Variants in RNF10 observed in about 807,000 individuals in gnomAD.
RNF10 encodes the protein E3 ubiquitin-protein ligase RNF10.
A neutral mutation model predicts 91.4 loss-of-function variants in RNF10; 38 were observed. That is an observed-to-expected ratio of 0.42 (90% CI 0.32 to 0.54). The LOEUF (loss-of-function observed/expected upper bound fraction) is 0.54, where lower values mean the gene tolerates loss of function less well. RNF10 is among the 20% of genes least tolerant of loss of function. RNF10 has a pLI of 0.16. For synonymous variants in RNF10, 364 were observed against 366.3 expected (o/e 0.99, Z 0.07); for missense variants, 945 against 1,012.0 (o/e 0.93, Z 0.90).
intron 1 of RNF10, among the ~76,000 whole-genome samples, chr12:120,536,429 C>G (rs973533413): frequency 6.6e-6 from 1 of 152,038 alleles, no homozygotes; most frequent in African/African-American, 2.4e-5. Context: ...CATCTCTAAA[C>G]AGTAAAAAGA....
At chr12:120,541,220 G>A (rs1394754331) in intron 1 of RNF10, among the ~76,000 whole-genome samples, 5 of 152,170 alleles carry the variant, frequency 3.3e-5, no homozygotes, top group East Asian at 1.9e-4. Context: ...TATGCAAACC[G>A]TGAGGTGCAT....
intron 1 of RNF10, among the ~76,000 whole-genome samples, chr12:120,540,102 G>A: frequency 6.8e-6 from 1 of 147,680 alleles, no homozygotes. Context: ...ATAGGGGTGT[G>A]TGGGGCCCCT....
At chr12:120,553,385 G>A (rs1279696311) in intron 3 of RNF10, among the ~76,000 whole-genome samples, 1 of 132,144 alleles carries the variant, frequency 7.6e-6, no homozygotes, top group East Asian at 2.3e-4. Flanking sequence ...ACCATGCCCA[G>A]CCAGGAAGAG....
At chr12:120,554,863 C>A in intron 4 of RNF10, 55 bp downstream of exon 4, 1 of 1,371,158 alleles carries the variant, frequency 7.3e-7, no homozygotes, top group Non-Finnish European at 1.0e-6. Context: ...AATAAAGGCA[C>A]TGTGGTGACG....
intron 9 of RNF10, 55 bp downstream of exon 9, chr12:120,563,678 C>G: frequency 6.4e-7 from 1 of 1,568,436 alleles, no homozygotes; most frequent in Non-Finnish European, 8.7e-7. Flanking sequence ...CAGAGGTGAC[C>G]CGGTGCTCTA....
Position 120,566,832 on chromosome 12 carries a change from A to G in RNF10, c.1893A>G (p.Glu631=), listed in dbSNP as rs146297351. The part of the protein sequence containing the change: ...EENKKQGKYP[E]VHIPLENLQQ... ...GTTATCTTTCCTTTGCAGACCCAGAAGTCCACATTCCCCTCGAGAATCTAC... is the reference window on the plus strand; with the variant it reads ...GTTATCTTTCCTTTGCAGACCCAGAGGTCCACATTCCCCTCGAGAATCTAC... Residue 631 remains glutamate (E), a synonymous_variant, in exon 13 of 17, where the codon GAA becomes GAG. Transcript: ENST00000325954. 2.5e-6 allele frequency: 4 copies of G among 1,612,764 alleles called. No individual in the cohort carries two copies. The African/African-American group carries it at 5.4e-5, about 22-fold the overall frequency.
intron 4 of RNF10, 35 bp from the exon 5 acceptor site, chr12:120,557,247 C>G: frequency 1.9e-6 from 3 of 1,606,040 alleles, no homozygotes; most frequent in Non-Finnish European, 2.6e-6. Flanking sequence ...ATCAGTTCTT[C>G]AAGCAGTGAA....
chr12:120,574,579 T>C, intron 14 of RNF10: 1 of 455,692 alleles, frequency 2.2e-6, no homozygotes, highest in Non-Finnish European at 4.4e-6. Context: ...GAGAGTTTAG[T>C]TAGTTTTCAT....
intron 11 of RNF10, 115 bp downstream of exon 11, chr12:120,565,304 A>G (rs1464855944): frequency 1.7e-6 from 2 of 1,143,094 alleles, no homozygotes; most frequent in South Asian, 1.2e-5. Flanking sequence ...AGTACCTCCT[A>G]AACACTTCAT....
At chr12:120,564,958 T>G (rs1274316967) in intron 10 of RNF10, 114 bp from the exon 11 acceptor site, 1 of 721,902 alleles carries the variant, frequency 1.4e-6, no homozygotes, top group Non-Finnish European at 2.5e-6. Context: ...CACTACTGTT[T>G]CCAGCCCCAG....
At position 120,577,315 on chromosome 12, in the gene RNF10, TA is replaced by T; in HGVS notation, c.*651del. ...TGGCTTGAGTTGGTAAGGAAAGCTGTAACTCACGAAGCCCTGAGACCTGCTA... is the reference window on the plus strand; with the variant it reads ...TGGCTTGAGTTGGTAAGGAAAGCTGTACTCACGAAGCCCTGAGACCTGCTA... On this transcript the variant is annotated 3_prime_UTR_variant, in exon 17 of 17. Coordinates refer to ENST00000325954, the MANE Select transcript of RNF10 (RefSeq NM_014868.5). The T allele has an allele frequency of 2.6e-6, 1 of 388,092 alleles. No individual in the cohort carries two copies. The highest frequency in any genetic ancestry group is 3.5e-5 in the Admixed American group (1 of 28,948). The allele number at this position is 388,092 out of a possible 1,614,324, so 24.0% of individuals were successfully genotyped here. A position where few individuals can be genotyped will look rare whatever the true frequency, so the allele number is the denominator to read the frequency against.
chr12:120,542,243 C>T (rs1225934183), intron 1 of RNF10, among the ~76,000 whole-genome samples: 4 of 152,176 alleles, frequency 2.6e-5, no homozygotes, highest in African/African-American at 9.7e-5. Context: ...ACACCGCAGC[C>T]TCAACCTTGG....
At position 120,566,887 on chromosome 12, in the gene RNF10, T is replaced by A; in HGVS notation, c.1948T>A (p.Cys650Ser). The A allele has an allele frequency of 8.1e-6, 13 of 1,614,016 alleles. No individual in the cohort carries two copies. Among genetic ancestry groups the A allele is most frequent in the Non-Finnish European group, 1.1e-5 (13 of 1,179,920 alleles). Residue 650 changes from cysteine to serine, a missense_variant, in exon 13 of 17, where the codon TGC becomes AGC. Cys to Ser is a moderately radical substitution (Grantham distance 112). Coordinates refer to ENST00000325954, the MANE Select transcript of RNF10 (RefSeq NM_014868.5). Reference protein sequence around the residue: ...QQFPAFNSYTCSSDSALGPTS... With the variant: ...QQFPAFNSYTSSSDSALGPTS... ...GTTTCCTGCCTTCAATTCTTATACC[T>A]GCTCCTCTGATTCTGCTTTGGGTCC...
At chr12:120,543,675 C>T (rs1405471643) in intron 1 of RNF10, among the ~76,000 whole-genome samples, 2 of 152,158 alleles carry the variant, frequency 1.3e-5, no homozygotes, top group East Asian at 3.9e-4. Flanking sequence ...GTGTATATGC[C>T]TGGAGTCCCA....
intron 2 of RNF10, among the ~76,000 whole-genome samples, chr12:120,551,862 G>C (rs1196452793): frequency 6.6e-6 from 1 of 151,970 alleles, no homozygotes; most frequent in African/African-American, 2.4e-5. Flanking sequence ...CCTGAGACTG[G>C]GTAATTTATG....
At chr12:120,571,637 A>C (rs147613084) in intron 14 of RNF10, among the ~76,000 whole-genome samples, 1 of 152,338 alleles carries the variant, frequency 6.6e-6, no homozygotes, top group African/African-American at 2.4e-5. Flanking sequence ...AGAGGCCAAG[A>C]ATAGCTGAGG....
chr12:120,552,535 C>T lies in RNF10; in HGVS notation c.391C>T (p.Gln131Ter). The T allele has an allele frequency of 6.2e-7, 1 of 1,614,188 alleles. No homozygotes were observed. Among genetic ancestry groups the T allele is most frequent in the Non-Finnish European group, 8.5e-7 (1 of 1,180,018 alleles). The change falls in exon 3 of 17, where the codon CAG (glutamine) becomes TAG (stop). Residue 131 changes from glutamine to a stop codon, truncating the protein, a stop_gained. Transcript: ENST00000325954. LOFTEE classifies it high-confidence loss of function. The stretch of plus-strand genomic sequence containing the variant: ...TCAACGGGCAGAGTTTAGCCCTGCC[C>T]AGTTCTCTGGTCCTAAGAAGATCAA... Reference protein sequence around the residue: ...EAQRAEFSPAQFSGPKKINLN... With the variant: ...EAQRAEFSPA
At chr12:120,547,649 G>C (rs779371937) in intron 2 of RNF10, among the ~76,000 whole-genome samples, 7 of 152,110 alleles carry the variant, frequency 4.6e-5, no homozygotes, top group Admixed American at 3.3e-4. Flanking sequence ...CACATGCAAG[G>C]GACGGGAGGT....
chr12:120,537,816 C>A (rs917756147), intron 1 of RNF10, among the ~76,000 whole-genome samples: 1 of 152,090 alleles, frequency 6.6e-6, no homozygotes, highest in African/African-American at 2.4e-5. Flanking sequence ...CATGCTTCTT[C>A]ACTAGCCATA....
Sources: allele counts gnomAD v4.1 joint callset (sites outside exome capture counted in the v4.1 genomes callset), GRCh38; gene constraint gnomAD v4.1.1; transcripts MANE v1.5; gene names NCBI Gene and HGNC (gene_info 2026-07-23, HGNC 2026-07-21).